Variants in PLS3 observed in about 807,000 individuals in gnomAD.
PLS3 encodes plastin-3.
In PLS3, 11 loss-of-function variants were observed where a neutral mutation model predicts 46.5. That is an observed-to-expected ratio of 0.24 (90% CI 0.15 to 0.39). The LOEUF is 0.39. Among genes scored for constraint, PLS3 ranks in the 10% least tolerant of loss-of-function variants. The pLI is 1.00. For synonymous variants in PLS3, 167 were observed against 162.2 expected, an observed-to-expected ratio of 1.03 and a Z score of -0.22; for missense variants, 308 against 461.8, an observed-to-expected ratio of 0.67 and a Z score of 3.05.
At chrX:115,572,271 T>A (rs1374330649) in intron 1 of PLS3, among the ~76,000 whole-genome samples, 1 of 111,198 alleles carries the variant, frequency 9.0e-6, no homozygotes, top group Non-Finnish European at 1.9e-5. Context: ...GGAGGATTGC[T>A]TGAGCCCAGG....
chrX:115,601,701 A>G (rs1027937041), intron 1 of PLS3, among the ~76,000 whole-genome samples: 4 of 111,262 alleles, frequency 3.6e-5, no homozygotes, highest in Non-Finnish European at 7.5e-5. Flanking sequence ...ATAAACAGAT[A>G]TGACGGAAGA....
chrX:115,630,707 AT>A (rs1569528487), intron 5 of PLS3, among the ~76,000 whole-genome samples: 5 of 98,572 alleles, frequency 5.1e-5, no homozygotes, highest in African/African-American at 1.8e-4. Flanking sequence ...ATATATGTAT[AT>A]ATATACATAT....
intron 8 of PLS3, chrX:115,639,858 C>G: frequency 2.3e-6 from 1 of 434,612 alleles, no homozygotes; most frequent in Non-Finnish European, 4.2e-6. Context: ...GAAAAGAGAC[C>G]TTTGTTTTGT....
intron 2 of PLS3, chrX:115,614,196 C>G: frequency 5.0e-6 from 1 of 201,975 alleles, no homozygotes; most frequent in Non-Finnish European, 7.4e-6. Flanking sequence ...GTCTCGATCT[C>G]CTGACCTCGT....
At chrX:115,644,599 A>AAAAT (rs57763072) in intron 10 of PLS3, among the ~76,000 whole-genome samples, 48,898 of 99,182 alleles carry the variant, frequency 0.49, 12,364 homozygotes, top group Non-Finnish European at 0.69. Context: ...CTCCATCTCA[A>AAAAT]AAATAAATAA....
intron 2 of PLS3, among the ~76,000 whole-genome samples, chrX:115,615,652 T>C (rs1556636704): frequency 9.0e-6 from 1 of 110,598 alleles, no homozygotes; most frequent in Non-Finnish European, 1.9e-5. Flanking sequence ...TTAAGTATCA[T>C]AATTTTCTTC....
chrX:115,592,049 C>T (rs188476741), intron 1 of PLS3, among the ~76,000 whole-genome samples: 2 of 112,187 alleles, frequency 1.8e-5, no homozygotes, highest in Admixed American at 1.9e-4. Flanking sequence ...CAGGAGAACA[C>T]TGCCTCATAA....
chrX:115,579,429 A>T (rs1330499738), intron 1 of PLS3, among the ~76,000 whole-genome samples: 2 of 111,702 alleles, frequency 1.8e-5, no homozygotes, highest in Non-Finnish European at 3.8e-5. Flanking sequence ...GAAGAGTGCA[A>T]ATGCTGAGTT....
chrX:115,574,869 G>A (rs1217870804), intron 1 of PLS3, among the ~76,000 whole-genome samples: 5 of 112,256 alleles, frequency 4.5e-5, no homozygotes, highest in African/African-American at 9.7e-5. Flanking sequence ...GTGAGCCACC[G>A]CGCCCGGCCC....
intron 1 of PLS3, among the ~76,000 whole-genome samples, chrX:115,609,499 T>A (rs183848453): frequency 3.6e-5 from 4 of 111,948 alleles, no homozygotes; most frequent in African/African-American, 9.7e-5. Flanking sequence ...AAAGTTAATG[T>A]GCCCCCATCA....
Position 115,643,298 on chromosome X carries a change from A to G in PLS3, c.988-15A>G. The G allele has an allele frequency of 1.8e-6, 2 of 1,142,088 alleles. No homozygotes were observed. The highest frequency in any genetic ancestry group is 2.4e-4 in the Middle Eastern group (1 of 4,134). 94.1% of individuals were successfully genotyped at this position (1,142,088 alleles called of 1,213,427 possible). A position where few individuals can be genotyped will look rare whatever the true frequency, so the allele number is the denominator to read the frequency against. ...GTGTGGCCTTTGACAAAGTCTTCCGATTTTGTTTCAACAGGAAACAGATGA... is the reference window on the plus strand; with the variant it reads ...GTGTGGCCTTTGACAAAGTCTTCCGGTTTTGTTTCAACAGGAAACAGATGA... On this transcript the variant is annotated splice_polypyrimidine_tract_variant and intron_variant, in intron 9 of 15. Transcript: ENST00000355899.
chrX:115,635,261 C>T (rs1225908101), intron 7 of PLS3, among the ~76,000 whole-genome samples: 1 of 111,292 alleles, frequency 9.0e-6, no homozygotes, highest in African/African-American at 3.3e-5. Context: ...ATTCATTTTG[C>T]AATAATGACA....
At chrX:115,577,751 T>G (rs1341440627) in intron 1 of PLS3, among the ~76,000 whole-genome samples, 1 of 111,621 alleles carries the variant, frequency 9.0e-6, no homozygotes, top group Non-Finnish European at 1.9e-5. Context: ...GTGCTGGGAT[T>G]ACAGGAGTAA....
intron 10 of PLS3, among the ~76,000 whole-genome samples, chrX:115,644,229 AT>A (rs782658244): frequency 4.6e-5 from 5 of 109,769 alleles, no homozygotes; most frequent in South Asian, 3.9e-4. Context: ...ATATATACTA[AT>A]TTTTTTTTAA....
At chrX:115,641,386 C>A (rs782006137) in intron 9 of PLS3, among the ~76,000 whole-genome samples, 1 of 108,560 alleles carries the variant, frequency 9.2e-6, no homozygotes, top group Non-Finnish European at 1.9e-5. Flanking sequence ...CACCACCATG[C>A]CCAGCTAGTT....
At chrX:115,580,999 G>T (rs1275139955) in intron 1 of PLS3, among the ~76,000 whole-genome samples, 1 of 111,292 alleles carries the variant, frequency 9.0e-6, no homozygotes, top group Non-Finnish European at 1.9e-5. Flanking sequence ...GCCTCCCAAA[G>T]TCCTGGTATT....
chrX:115,568,599 A>G (rs1603215986), intron 1 of PLS3, among the ~76,000 whole-genome samples: 1 of 112,348 alleles, frequency 8.9e-6, no homozygotes, highest in South Asian at 3.7e-4. Context: ...ATGCTTCAGT[A>G]AGCATTCTTG....
chrX:115,569,280 G>A (rs782075589), intron 1 of PLS3, among the ~76,000 whole-genome samples: 3 of 110,993 alleles, frequency 2.7e-5, no homozygotes, highest in East Asian at 5.7e-4. Flanking sequence ...AGACACGTTT[G>A]TTTTTAAGAA....
At chrX:115,566,089 G>T (rs2074170193) in intron 1 of PLS3, among the ~76,000 whole-genome samples, 1 of 112,189 alleles carries the variant, frequency 8.9e-6, no homozygotes, top group African/African-American at 3.2e-5. Context: ...AAGGATAAGT[G>T]AGAAACGTGA....
Sources: allele counts gnomAD v4.1 joint callset (sites outside exome capture counted in the v4.1 genomes callset), GRCh38; gene constraint gnomAD v4.1.1; transcripts MANE v1.5; gene names NCBI Gene and HGNC (gene_info 2026-07-23, HGNC 2026-07-21).